Variants in PDE11A observed in about 807,000 individuals in gnomAD.
PDE11A encodes the protein phosphodiesterase 11A, also known as dual 3',5'-cyclic-AMP and -GMP phosphodiesterase 11A.
A neutral mutation model predicts 100.5 loss-of-function variants in PDE11A; 100 were observed. The ratio of observed to expected loss-of-function variants is 1.00; its 90% CI spans 0.85 to 1.18. The LOEUF (loss-of-function observed/expected upper bound fraction) is 1.18. Among genes scored for constraint, PDE11A ranks in the 50% most tolerant of loss-of-function variants. PDE11A has a pLI of 0.00. For missense variants in PDE11A, 1,141 were observed against 1,152.6 expected, an observed-to-expected ratio of 0.99 and a Z score of 0.15; for synonymous variants, 381 against 420.8, an observed-to-expected ratio of 0.91 and a Z score of 1.16.
At chr2:177,869,981 T>A (rs904279943) in intron 5 of PDE11A, among the ~76,000 whole-genome samples, 1 of 152,228 alleles carries the variant, frequency 6.6e-6, no homozygotes, top group East Asian at 1.9e-4. Flanking sequence ...TTTGACAAAT[T>A]GATGTTCCAC....
At chr2:177,998,558 A>G (rs575061377) in intron 2 of PDE11A, 166 of 1,311,974 alleles carry the variant, frequency 1.3e-4, no homozygotes, top group Admixed American at 2.4e-4. Flanking sequence ...CTTCATCTTC[A>G]CAGAGGTCTA....
intron 2 of PDE11A, among the ~76,000 whole-genome samples, chr2:178,089,143 T>C (rs1373146123): frequency 2.0e-5 from 3 of 152,244 alleles, no homozygotes; most frequent in Admixed American, 6.5e-5. Flanking sequence ...CTTCCACAAT[T>C]TGGGGAGAAG....
At chr2:178,038,504 A>G (rs1378274649) in intron 1 of PDE11A, among the ~76,000 whole-genome samples, 3 of 152,186 alleles carry the variant, frequency 2.0e-5, no homozygotes, top group Non-Finnish European at 4.4e-5. Context: ...TGGTGTTCAG[A>G]ATATATATGT....
chr2:177,979,611 C>CTTTTTTTT (rs57168619), intron 2 of PDE11A, among the ~76,000 whole-genome samples: 7,921 of 106,448 alleles, frequency 0.074, 1,188 homozygotes, highest in African/African-American at 0.14. Flanking sequence ...CTCAGATGAT[C>CTTTTTTTT]TTTTTTTTTT....
At chr2:177,915,232 G>T (rs1183748387) in intron 2 of PDE11A, among the ~76,000 whole-genome samples, 1 of 152,108 alleles carries the variant, frequency 6.6e-6, no homozygotes, top group African/African-American at 2.4e-5. Flanking sequence ...TCTACAATAG[G>T]TTCACTCTTT....
chr2:178,018,319 T>G (rs1355835082), intron 1 of PDE11A: 2 of 406,730 alleles, frequency 4.9e-6, no homozygotes, highest in Non-Finnish European at 4.8e-6. Flanking sequence ...ACAAGTTGTT[T>G]CAAACTATGT....
chr2:178,022,225 T>C (rs1014501323), intron 1 of PDE11A, among the ~76,000 whole-genome samples: 3 of 152,092 alleles, frequency 2.0e-5, no homozygotes, highest in African/African-American at 7.2e-5. Context: ...GTAGAATGAA[T>C]AGAACTGATT....
intron 2 of PDE11A, among the ~76,000 whole-genome samples, chr2:177,970,440 G>C (rs1188959699): frequency 6.6e-6 from 1 of 151,998 alleles, no homozygotes; most frequent in African/African-American, 2.4e-5. Flanking sequence ...CATGAGATTA[G>C]AGGGAGGAGC....
At chr2:177,637,997 A>T (rs867517878) in intron 19 of PDE11A, among the ~76,000 whole-genome samples, 3,044 of 106,474 alleles carry the variant, frequency 0.029, 159 homozygotes, top group African/African-American at 0.057. Context: ...ATATATATAT[A>T]TTTTTTTTTT....
At chr2:178,028,549 G>A (rs954671354) in intron 1 of PDE11A, among the ~76,000 whole-genome samples, 2 of 152,180 alleles carry the variant, frequency 1.3e-5, no homozygotes, top group African/African-American at 4.8e-5. Flanking sequence ...GGAGAAATGA[G>A]TCGGCATGTT....
At chr2:177,962,940 G>A (rs1016004136) in intron 2 of PDE11A, among the ~76,000 whole-genome samples, 1 of 152,066 alleles carries the variant, frequency 6.6e-6, no homozygotes, top group East Asian at 1.9e-4. Context: ...AAAATATTCT[G>A]AACTGTTATT....
intron 5 of PDE11A, among the ~76,000 whole-genome samples, chr2:177,875,559 T>C (rs1026731002): frequency 5.3e-5 from 8 of 151,626 alleles, no homozygotes; most frequent in Non-Finnish European, 1.0e-4. Flanking sequence ...TTTTTGTATT[T>C]TGTAGTAGAG....
intron 4 of PDE11A, among the ~76,000 whole-genome samples, chr2:177,879,037 T>C (rs1558988099): frequency 6.6e-6 from 1 of 152,232 alleles, no homozygotes; most frequent in Admixed American, 6.5e-5. Flanking sequence ...CCTGATCTGA[T>C]AAATGAGATT....
intron 2 of PDE11A, among the ~76,000 whole-genome samples, chr2:177,934,566 A>G (rs928784596): frequency 6.6e-6 from 1 of 152,240 alleles, no homozygotes; most frequent in Admixed American, 6.5e-5. Context: ...CCACTGTGGA[A>G]AGCAGTTTAG....
rs527895687 is a variant in PDE11A at position 177,870,073 on chromosome 2, G to A, written c.1367+5786C>T. Among the ~76,000 whole-genome samples the A allele has an allele frequency of 6.4e-4, 97 of 152,290 alleles. 1 individual carries two copies. The highest frequency in any genetic ancestry group is 2.2e-3 in the African/African-American group (91 of 41,558). On this transcript the variant is annotated intron_variant, in intron 5 of 19. Transcript: ENST00000286063. ...GAAATTTATTTCACTTATTATAAGAGCTTTGGCAATTTCTCCTGCCTTCAG... is the reference window on the plus strand; with the variant it reads ...GAAATTTATTTCACTTATTATAAGAACTTTGGCAATTTCTCCTGCCTTCAG...
At chr2:177,806,940 G>C (rs1202786472) in intron 9 of PDE11A, among the ~76,000 whole-genome samples, 3 of 152,068 alleles carry the variant, frequency 2.0e-5, no homozygotes, top group Non-Finnish European at 4.4e-5. Context: ...AATATCATTT[G>C]ATTCAACATA....
intron 6 of PDE11A, among the ~76,000 whole-genome samples, chr2:177,833,018 T>A (rs990967786): frequency 6.6e-6 from 1 of 152,162 alleles, no homozygotes; most frequent in African/African-American, 2.4e-5. Flanking sequence ...AAAGCTTTTT[T>A]TAAAAAAACT....
chr2:178,021,984 T>C (rs2086419077), intron 1 of PDE11A, among the ~76,000 whole-genome samples: 1 of 152,144 alleles, frequency 6.6e-6, no homozygotes, highest in Non-Finnish European at 1.5e-5. Context: ...TAACTAGGTG[T>C]AGAATTGTAA....
intron 2 of PDE11A, among the ~76,000 whole-genome samples, chr2:177,982,789 A>C (rs1322124613): frequency 1.3e-5 from 2 of 150,922 alleles, no homozygotes; most frequent in Non-Finnish European, 3.0e-5. Context: ...ACACTATAAA[A>C]ATAAGGCCAG....
Sources: gnomAD v4.1 joint callset for allele counts (sites outside exome capture counted in the v4.1 genomes callset) on GRCh38, gnomAD v4.1.1 for gene constraint, MANE v1.5 for transcripts, NCBI Gene and HGNC (gene_info 2026-07-23, HGNC 2026-07-21) for gene names.